TAFA1: variants seen among roughly 807,000 people sequenced by gnomAD.
TAFA1 encodes TAFA chemokine like family member 1, also known as chemokine-like protein TAFA-1.
Under a neutral mutation model 18.5 loss-of-function variants are expected in TAFA1, and 4 were observed. The observed-to-expected ratio is 0.22, with a 90% CI of 0.11 to 0.49. The LOEUF (loss-of-function observed/expected upper bound fraction) is 0.49. Among genes scored for constraint, TAFA1 ranks in the 20% least tolerant of loss-of-function variants. The pLI is 0.98. For synonymous variants in TAFA1, 56 were observed against 55.2 expected, an observed-to-expected ratio of 1.01 and a Z score of -0.06; for missense variants, 147 against 169.0, an observed-to-expected ratio of 0.87 and a Z score of 0.72.
At chr3:68,358,636 G>A (rs933905454) in intron 2 of TAFA1, among the ~76,000 whole-genome samples, 2 of 151,842 alleles carry the variant, frequency 1.3e-5, no homozygotes, top group African/African-American at 4.8e-5. Flanking sequence ...CAAATCTATG[G>A]TCTACTCTCC....
chr3:68,202,187 T>A (rs193292186), intron 2 of TAFA1, among the ~76,000 whole-genome samples: 1 of 151,856 alleles, frequency 6.6e-6, no homozygotes, highest in Admixed American at 6.6e-5. Flanking sequence ...ACCCACTTTC[T>A]TTTAAATAAT....
intron 2 of TAFA1, among the ~76,000 whole-genome samples, chr3:68,307,426 G>A (rs1452680646): frequency 3.3e-5 from 5 of 152,272 alleles, no homozygotes; most frequent in African/African-American, 1.2e-4. Flanking sequence ...TATAAATACA[G>A]ACTAGCTCCA....
At chr3:68,237,539 T>A (rs574323433) in intron 2 of TAFA1, among the ~76,000 whole-genome samples, 1 of 152,208 alleles carries the variant, frequency 6.6e-6, no homozygotes, top group East Asian at 1.9e-4. Flanking sequence ...AAGGCATGTA[T>A]GTATGAATTC....
chr3:68,345,028 A>G (rs937505449), intron 2 of TAFA1, among the ~76,000 whole-genome samples: 4 of 117,828 alleles, frequency 3.4e-5, no homozygotes, highest in African/African-American at 1.3e-4. Context: ...GTGAGGCCCT[A>G]TCTCAAAAAA....
At chr3:68,051,729 C>T (rs893888247) in intron 2 of TAFA1, among the ~76,000 whole-genome samples, 14 of 152,070 alleles carry the variant, frequency 9.2e-5, no homozygotes, top group African/African-American at 3.4e-4. Flanking sequence ...ATTTCTCTGA[C>T]TCACAGGCTT....
chr3:68,279,691 G>A (rs1346045341), intron 2 of TAFA1, among the ~76,000 whole-genome samples: 5 of 152,028 alleles, frequency 3.3e-5, no homozygotes, highest in Non-Finnish European at 7.4e-5. Context: ...TCTCATAAAA[G>A]CATAGAAATG....
the TAFA1 span, among the ~76,000 whole-genome samples, chr3:67,992,829 CT>C: frequency 6.6e-6 from 1 of 152,122 alleles, no homozygotes; most frequent in East Asian, 1.9e-4. Flanking sequence ...CCCAGGTAAC[CT>C]TTTTCCTCAA....
In TAFA1 at chr3:68,359,728, C is replaced by T. The variant is rs557394807; in HGVS notation, c.119-57552C>T. On this transcript the variant is annotated intron_variant, in intron 2 of 4. Transcript: ENST00000478136. ...ATAAATTGGTGTTGTTTCAGGCCAC[C>T]AAGATTGTGGTAAGTTGTTAAAACA... Among the ~76,000 whole-genome samples, 4 of 151,962 alleles carry T rather than the reference C, an allele frequency of 2.6e-5. No homozygotes were observed. The East Asian group carries it at 7.7e-4, about 29-fold the overall frequency.
At chr3:68,480,962 C>G (rs971235876) in intron 3 of TAFA1, among the ~76,000 whole-genome samples, 1 of 152,148 alleles carries the variant, frequency 6.6e-6, no homozygotes, top group African/African-American at 2.4e-5. Flanking sequence ...GCTTGGTTCT[C>G]TCGTTCTCTC....
At chr3:68,534,425 G>A (rs185011261) in intron 3 of TAFA1, among the ~76,000 whole-genome samples, 40 of 152,182 alleles carry the variant, frequency 2.6e-4, no homozygotes, top group African/African-American at 8.9e-4. Context: ...TTGCACATGT[G>A]TGCACATAAT....
chr3:68,006,767 T>G (rs1182822419), intron 2 of TAFA1, 23 bp downstream of exon 2: 1 of 1,472,514 alleles, frequency 6.8e-7, no homozygotes, highest in African/African-American at 1.4e-5. Flanking sequence ...CTGGCTCCAC[T>G]GCAGCCTCCT....
intron 2 of TAFA1, among the ~76,000 whole-genome samples, chr3:68,130,944 C>T (rs1252675118): frequency 6.6e-6 from 1 of 152,118 alleles, no homozygotes; most frequent in East Asian, 1.9e-4. Flanking sequence ...CTTGTTCATT[C>T]ATTGGTGGGT....
chr3:68,322,801 G>C (rs1033081218), intron 2 of TAFA1, among the ~76,000 whole-genome samples: 1 of 152,042 alleles, frequency 6.6e-6, no homozygotes, highest in Non-Finnish European at 1.5e-5. Context: ...AAATTAGCTG[G>C]GCATGGTGGT....
chr3:68,466,016 G>A (rs557460680), intron 3 of TAFA1, among the ~76,000 whole-genome samples: 1 of 152,108 alleles, frequency 6.6e-6, no homozygotes, highest in Non-Finnish European at 1.5e-5. Context: ...AATTGTTATG[G>A]TAGATGTTAT....
intron 3 of TAFA1, among the ~76,000 whole-genome samples, chr3:68,475,408 T>C (rs1221912321): frequency 6.8e-6 from 1 of 147,932 alleles, no homozygotes; most frequent in Non-Finnish European, 1.5e-5. Context: ...GAACATGTCG[T>C]GTTTGGTTTT....
At chr3:68,207,671 C>A (rs2066543560) in intron 2 of TAFA1, among the ~76,000 whole-genome samples, 1 of 151,890 alleles carries the variant, frequency 6.6e-6, no homozygotes, top group African/African-American at 2.4e-5. Context: ...AATTTTACAG[C>A]AATAAAAATT....
At chr3:68,095,845 A>T (rs1260366347) in intron 2 of TAFA1, among the ~76,000 whole-genome samples, 2 of 152,096 alleles carry the variant, frequency 1.3e-5, no homozygotes, top group Non-Finnish European at 2.9e-5. Context: ...ATATTTGTGT[A>T]TATTTATTGG....
chr3:68,139,796 C>G (rs1307444518), intron 2 of TAFA1, among the ~76,000 whole-genome samples: 2 of 152,192 alleles, frequency 1.3e-5, no homozygotes, highest in African/African-American at 4.8e-5. Context: ...TCATCTCCTG[C>G]TCTATTTCAA....
chr3:68,191,174 T>G (rs2066335610), intron 2 of TAFA1, among the ~76,000 whole-genome samples: 1 of 151,822 alleles, frequency 6.6e-6, no homozygotes, highest in Non-Finnish European at 1.5e-5. Context: ...GTTCTGTCTT[T>G]CCATTTTTAA....
Sources: allele counts gnomAD v4.1 joint callset (sites outside exome capture counted in the v4.1 genomes callset), GRCh38; gene constraint gnomAD v4.1.1; transcripts MANE v1.5; gene names NCBI Gene and HGNC (gene_info 2026-07-23, HGNC 2026-07-21).